The following SMC2 variants were observed in gnomAD, a reference collection of about 807,000 sequenced individuals.
SMC2 encodes structural maintenance of chromosomes 2.
SMC2 carries 41 observed loss-of-function variants against 142.6 expected under a neutral mutation model. The observed-to-expected ratio is 0.29, with a 90% confidence interval of 0.22 to 0.37. The LOEUF (loss-of-function observed/expected upper bound fraction) is 0.37. SMC2 is among the 10% of genes least tolerant of loss of function. SMC2 has a pLI of 1.00. For missense variants in SMC2, 1,265 were observed against 1,373.7 expected, an observed-to-expected ratio of 0.92 and a Z score of 1.25; for synonymous variants, 463 against 457.5, an observed-to-expected ratio of 1.01 and a Z score of -0.15.
chr9:104,123,076 A>C (rs373913131), intron 16 of SMC2, 32 bp from the exon 17 acceptor site: 14 of 1,581,960 alleles, frequency 8.8e-6, no homozygotes, highest in African/African-American at 1.4e-5. Context: ...GAAAAATGAC[A>C]GTCATTTCTT....
intron 22 of SMC2, among the ~76,000 whole-genome samples, chr9:104,133,270 G>A (rs890422721): frequency 6.6e-6 from 1 of 152,100 alleles, no homozygotes; most frequent in South Asian, 2.1e-4. Flanking sequence ...TTTGGAGGAA[G>A]TTTCACACTG....
chr9:104,122,256 G>A (rs1833821003), intron 16 of SMC2, among the ~76,000 whole-genome samples: 1 of 152,026 alleles, frequency 6.6e-6, no homozygotes, highest in African/African-American at 2.4e-5. Context: ...CTGAGGTCAA[G>A]GAAGGAAAAT....
intron 5 of SMC2, 138 bp downstream of exon 5, chr9:104,099,820 G>T (rs1236228509): frequency 1.6e-6 from 1 of 631,828 alleles, no homozygotes; most frequent in African/African-American, 1.9e-5. Context: ...GTATATTTGT[G>T]TAATATTTGG....
At chr9:104,128,440 A>G (rs559578649) in intron 20 of SMC2, among the ~76,000 whole-genome samples, 4 of 152,304 alleles carry the variant, frequency 2.6e-5, no homozygotes, top group South Asian at 4.1e-4. Context: ...TTTATTTACA[A>G]GAGTAAAAGG....
intron 9 of SMC2, among the ~76,000 whole-genome samples, chr9:104,106,925 G>A (rs1831857566): frequency 6.6e-6 from 1 of 152,190 alleles, no homozygotes; most frequent in Non-Finnish European, 1.5e-5. Context: ...ACAGTCAAGA[G>A]GATCCCTCCT....
At chr9:104,121,157 G>A (rs1314153954) in intron 16 of SMC2, among the ~76,000 whole-genome samples, 2 of 152,164 alleles carry the variant, frequency 1.3e-5, no homozygotes, top group East Asian at 3.9e-4. Context: ...TGAATTGAAA[G>A]CTTCATAAGT....
chr9:104,136,335 T>C (rs1835523703), intron 23 of SMC2, among the ~76,000 whole-genome samples: 1 of 152,034 alleles, frequency 6.6e-6, no homozygotes, highest in Admixed American at 6.6e-5. Flanking sequence ...ATTTTATTTA[T>C]ATTTTTATAA....
At chr9:104,105,373 A>T (rs1831637997) in intron 9 of SMC2, among the ~76,000 whole-genome samples, 1 of 151,246 alleles carries the variant, frequency 6.6e-6, no homozygotes, top group Non-Finnish European at 1.5e-5. Context: ...TGTTTGGGTC[A>T]CTCCTACGCT....
In SMC2 at chr9:104,140,329, G is replaced by A. The variant is rs1042654603; in HGVS notation, c.*1014G>A. ...GATGAAATTCCTTTAGAACTTGAAAGATGACACTAGCGAACACCATGAGAA... is the reference window on the plus strand; with the variant it reads ...GATGAAATTCCTTTAGAACTTGAAAAATGACACTAGCGAACACCATGAGAA... On this transcript the variant is annotated 3_prime_UTR_variant, in exon 25 of 25. Coordinates refer to ENST00000374793, the MANE Select transcript of SMC2 (RefSeq NM_006444.3). The A allele has an allele frequency of 6.6e-6, 1 of 152,150 alleles. No individual in the cohort carries two copies. Among genetic ancestry groups the A allele is most frequent in the Non-Finnish European group, 1.5e-5 (1 of 68,018 alleles). The allele number at this position is 152,150 out of a possible 1,614,324, so 9.4% of individuals were successfully genotyped here.
chr9:104,138,067 G>T lies in SMC2; in HGVS notation c.3319G>T (p.Ala1107Ser), dbSNP rs1835746464. The T allele has an allele frequency of 6.2e-7, 1 of 1,610,158 alleles. No homozygotes were observed. The highest frequency in any genetic ancestry group is 1.3e-5 in the African/African-American group (1 of 74,748). The change falls in exon 24 of 25, where the codon GCT (alanine) becomes TCT (serine). Residue 1107 changes from alanine to serine, a missense_variant. By Grantham distance (99) the Ala-to-Ser change is moderately conservative. This residue lies in a region of SMC2 where 192 missense variants were observed against 261.9 expected (regional missense o/e 0.73). Coordinates refer to ENST00000374793, the MANE Select transcript of SMC2 (RefSeq NM_006444.3). ...ACTGTCCATGCTTCTCTTCAAACCT[G>T]CTCCAATTTATATCCTTGATGAGGT... ...LILSMLLFKPAPIYILDEVDA... is the reference protein window; with the variant it reads ...LILSMLLFKPSPIYILDEVDA...
At chr9:104,097,984 C>A (rs1830646417) in intron 3 of SMC2, among the ~76,000 whole-genome samples, 1 of 152,264 alleles carries the variant, frequency 6.6e-6, no homozygotes, top group Non-Finnish European at 1.5e-5. Flanking sequence ...TCCATGATTA[C>A]CCTTTCTTTT....
At chr9:104,112,312 C>G (rs1027439177) in intron 10 of SMC2, among the ~76,000 whole-genome samples, 2 of 152,138 alleles carry the variant, frequency 1.3e-5, no homozygotes, top group African/African-American at 4.8e-5. Context: ...CTAGTCTGCT[C>G]TCCCTACTCT....
chr9:104,129,562 G>T, intron 20 of SMC2, 83 bp from the exon 21 acceptor site: 1 of 1,070,968 alleles, frequency 9.3e-7, no homozygotes, highest in Non-Finnish European at 1.4e-6. Context: ...TGATTCAAAA[G>T]TATTAAATAG....
In SMC2 at chr9:104,138,110, T is replaced by C. The variant is rs774318098; in HGVS notation, c.3362T>C (p.Leu1121Pro). ...GATGAGGTAGATGCAGCCTTGGATC[T>C]TTCTCATACCCAAAACATTGGACAG... ...ILDEVDAALD[L>P]SHTQNIGQML... The change falls in exon 24 of 25, where the codon CTT becomes CCT. Residue 1121 changes from leucine to proline, a missense_variant. Transcript: ENST00000374793. The C allele has an allele frequency of 6.2e-6, 10 of 1,610,048 alleles. No homozygotes were observed. The highest frequency in any genetic ancestry group is 8.5e-6 in the Non-Finnish European group (10 of 1,177,454).
At chr9:104,120,398 T>A (rs1275554516) in intron 16 of SMC2, among the ~76,000 whole-genome samples, 1 of 152,160 alleles carries the variant, frequency 6.6e-6, no homozygotes, top group Non-Finnish European at 1.5e-5. Context: ...AACAAAAAAA[T>A]CATTCAAATA....
At chr9:104,139,033 T>C in intron 24 of SMC2, 106 bp from the exon 25 acceptor site, 1 of 655,972 alleles carries the variant, frequency 1.5e-6, no homozygotes, top group Non-Finnish European at 2.4e-6. Flanking sequence ...TATAACTATT[T>C]AAAGAAATAA....
At chr9:104,106,174 A>G (rs993573305) in intron 9 of SMC2, among the ~76,000 whole-genome samples, 6 of 152,160 alleles carry the variant, frequency 3.9e-5, no homozygotes, top group Admixed American at 1.3e-4. Context: ...AACAGGGTGC[A>G]TGGAAAGTCC....
intron 4 of SMC2, 117 bp from the exon 5 acceptor site, chr9:104,099,527 C>A (rs1587891942): frequency 1.5e-6 from 1 of 652,642 alleles, no homozygotes; most frequent in African/African-American, 1.9e-5. Context: ...GGAAAGACCC[C>A]CCCAAAGATT....
At chr9:104,098,792 G>A (rs568498863) in intron 4 of SMC2, among the ~76,000 whole-genome samples, 24 of 149,224 alleles carry the variant, frequency 1.6e-4, no homozygotes, top group African/African-American at 5.9e-4. Context: ...AGTAATTTTT[G>A]TTGACTTTTT....
Sources: allele counts gnomAD v4.1 joint callset (sites outside exome capture counted in the v4.1 genomes callset), GRCh38; gene constraint gnomAD v4.1.1; regional missense constraint gnomAD v4.1.1; transcripts MANE v1.5; gene names NCBI Gene and HGNC (gene_info 2026-07-23, HGNC 2026-07-21).